Variants in MYCBP2 observed in about 807,000 individuals in gnomAD.
MYCBP2 encodes MYC binding protein 2, also known as E3 ubiquitin-protein ligase MYCBP2.
A neutral mutation model predicts 525.3 loss-of-function variants in MYCBP2; 120 were observed. That is an observed-to-expected ratio of 0.23 (90% CI 0.20 to 0.27). The LOEUF (loss-of-function observed/expected upper bound fraction) is 0.27. Ranked by LOEUF, MYCBP2 falls within the 10% of genes least tolerant of loss-of-function variation. MYCBP2 has a pLI of 1.00. For synonymous variants in MYCBP2, 1,894 were observed against 1,955.8 expected (o/e 0.97, Z 0.83); for missense variants, 4,149 against 5,657.1 (o/e 0.73, Z 8.55).
chr13:77,132,998 C>A (rs2053154125), intron 52 of MYCBP2, among the ~76,000 whole-genome samples: 1 of 152,096 alleles, frequency 6.6e-6, no homozygotes, highest in Non-Finnish European at 1.5e-5. Flanking sequence ...TGGTATTCAT[C>A]CTCATTCAAC....
intron 37 of MYCBP2, among the ~76,000 whole-genome samples, chr13:77,174,012 T>A (rs1413414383): frequency 6.6e-6 from 1 of 152,208 alleles, no homozygotes; most frequent in Non-Finnish European, 1.5e-5. Flanking sequence ...TCCTTTAAAT[T>A]TGAAATTGCA....
intron 33 of MYCBP2, 49 bp downstream of exon 33, chr13:77,181,652 A>T: frequency 6.7e-7 from 1 of 1,486,476 alleles, no homozygotes; most frequent in Non-Finnish European, 9.3e-7. Flanking sequence ...AAATAAAACC[A>T]TTTAGAGTTT....
At chr13:77,194,469 T>C (rs900449552) in intron 26 of MYCBP2, among the ~76,000 whole-genome samples, 1 of 152,240 alleles carries the variant, frequency 6.6e-6, no homozygotes, top group Admixed American at 6.5e-5. Context: ...TCCTAATTTA[T>C]ATATTCATCT....
chr13:77,092,263 C>T (rs1340939661), intron 59 of MYCBP2, among the ~76,000 whole-genome samples: 3 of 152,234 alleles, frequency 2.0e-5, no homozygotes, highest in East Asian at 3.9e-4. Context: ...CACAGTTATT[C>T]GTGACTGAAA....
intron 1 of MYCBP2, among the ~76,000 whole-genome samples, chr13:77,324,967 G>C (rs2082115845): frequency 1.3e-5 from 2 of 152,204 alleles, no homozygotes; most frequent in African/African-American, 2.4e-5. Flanking sequence ...ACGTAGTTTT[G>C]TGCTATTTTC....
chr13:77,066,037 G>C lies in MYCBP2; in HGVS notation c.12507C>G (p.Thr4169=), dbSNP rs142783857. Reference sequence around the variant, plus strand: ...GTTTAATGATGATCTCTGAGATCTGGGTAGGGGTTGAGCCCTTCATCCACC... The same window carrying C: ...GTTTAATGATGATCTCTGAGATCTGCGTAGGGGTTGAGCCCTTCATCCACC... ...SHWWMKGSTP[T]QISEIIIKLI... The change falls in exon 72 of 83, where the codon ACC becomes ACG. Residue 4169 remains threonine, a synonymous_variant. Transcript: ENST00000544440. 2.2e-5 allele frequency: 35 copies of C among 1,613,304 alleles called. No individual in the cohort carries two copies. The African/African-American group carries it at 3.9e-4, about 18-fold the overall frequency.
intron 35 of MYCBP2, 120 bp from the exon 36 acceptor site, chr13:77,176,748 A>C (rs574501698): frequency 1.2e-6 from 1 of 866,266 alleles, no homozygotes; most frequent in Non-Finnish European, 1.5e-6. Context: ...ATTAGCCATT[A>C]GTATTTTCCC....
At chr13:77,277,784 CATA>C (rs2075787341) in intron 4 of MYCBP2, among the ~76,000 whole-genome samples, 1 of 152,118 alleles carries the variant, frequency 6.6e-6, no homozygotes, top group East Asian at 1.9e-4. Context: ...TTGAGAACCA[CATA>C]ATGAGAACCA....
Position 77,166,428 on chromosome 13 carries a change from G to T in MYCBP2, c.6241C>A (p.Pro2081Thr), listed in dbSNP as rs373272431. The change falls in exon 41 of 83, where the codon CCA becomes ACA. Residue 2081 changes from proline to threonine, a missense_variant. Physicochemically the swap from Pro to Thr is conservative, Grantham distance 38. Around this residue, in one of 21 missense-constraint regions of MYCBP2, gnomAD observed 692 missense variants for 852.7 expected, o/e 0.81. Coordinates refer to ENST00000544440, the MANE Select transcript of MYCBP2 (RefSeq NM_015057.5). The stretch of plus-strand genomic sequence containing the variant: ...TTTTCATGAACAGATGTCAATTTTG[G>T]TCCATATCCTGAATTCTGAACAGTT... ...VRTVQNSGYG[P>T]KLTSVHENLN... 3 of 1,613,828 alleles carry T rather than the reference G, an allele frequency of 1.9e-6. No individual in the cohort carries two copies. The highest frequency in any genetic ancestry group is 1.7e-6 in the Non-Finnish European group (2 of 1,179,884).
chr13:77,058,858 G>T lies in MYCBP2; in HGVS notation c.13141-452C>A. Among the ~76,000 whole-genome samples, 1 of 152,032 alleles carries T rather than the reference G, an allele frequency of 6.6e-6. No homozygotes were observed. Among genetic ancestry groups the T allele is most frequent in the African/African-American group, 2.4e-5 (1 of 41,386 alleles). ...AAATTAACCAGGCATGGTGGCGCGC[G>T]CCTGTAATCCCAGCTACTTAGGAAG... On this transcript the variant is annotated intron_variant, in intron 77 of 82. Coordinates refer to ENST00000544440, the MANE Select transcript of MYCBP2 (RefSeq NM_015057.5). This position sits in a 1 kb window ranked among gnomAD's most constrained non-coding sequence, Gnocchi z 4.1.
chr13:77,275,452 A>G (rs970212379), intron 4 of MYCBP2, among the ~76,000 whole-genome samples: 1 of 152,116 alleles, frequency 6.6e-6, no homozygotes, highest in African/African-American at 2.4e-5. Context: ...TTCTGCCTAG[A>G]GCACTTATAA....
chr13:77,203,288 A>G (rs1415490695), intron 26 of MYCBP2, among the ~76,000 whole-genome samples: 1 of 152,082 alleles, frequency 6.6e-6, no homozygotes, highest in African/African-American at 2.4e-5. Context: ...GTGAACTCCC[A>G]TTCACAATTG....
intron 20 of MYCBP2, among the ~76,000 whole-genome samples, chr13:77,223,585 G>T (rs756019041): frequency 3.3e-5 from 5 of 152,104 alleles, no homozygotes; most frequent in Non-Finnish European, 5.9e-5. Flanking sequence ...TATTTCTCAC[G>T]CAAGAAGCAT....
At chr13:77,229,193 T>C (rs1205741063) in intron 18 of MYCBP2, among the ~76,000 whole-genome samples, 1 of 152,214 alleles carries the variant, frequency 6.6e-6, no homozygotes, top group Non-Finnish European at 1.5e-5. Context: ...CTTTCCTATC[T>C]ATAATATAGC....
chr13:77,189,931 T>C (rs756491288), intron 29 of MYCBP2, among the ~76,000 whole-genome samples: 1 of 152,112 alleles, frequency 6.6e-6, no homozygotes, highest in Admixed American at 6.5e-5. Flanking sequence ...CCAAGACAAA[T>C]TTTATTCTTT....
intron 3 of MYCBP2, among the ~76,000 whole-genome samples, chr13:77,285,390 T>G (rs1211063050): frequency 6.6e-6 from 1 of 152,216 alleles, no homozygotes; most frequent in African/African-American, 2.4e-5. Context: ...GTTTTTTATC[T>G]CAATCTCTCC....
Position 77,262,065 on chromosome 13 carries a change from T to C in MYCBP2, c.1635A>G (p.Thr545=). 2 of 1,610,948 alleles carry C rather than the reference T, an allele frequency of 1.2e-6. No individual in the cohort carries two copies. Among genetic ancestry groups the C allele is most frequent in the Non-Finnish European group, 1.7e-6 (2 of 1,178,064 alleles). Residue 545 remains threonine (T), a synonymous_variant, in exon 11 of 83, where the codon ACA becomes ACG. Coordinates refer to ENST00000544440, the MANE Select transcript of MYCBP2 (RefSeq NM_015057.5). ...GAGAATAATTTACCTTTCCATTTGC[T>C]GTTTTCATTAGCGCAAACTCTCGTC... ...GAGREFALMK[T]ANGKIYYTGK... is the part of the protein sequence containing the mutation.
chr13:77,063,294 A>G (rs941924542), intron 73 of MYCBP2, among the ~76,000 whole-genome samples: 1 of 152,216 alleles, frequency 6.6e-6, no homozygotes, highest in African/African-American at 2.4e-5. Context: ...ACAGTGGCAC[A>G]TGCCTGTAAT....
chr13:77,103,618 A>G (rs2047407539), intron 55 of MYCBP2, among the ~76,000 whole-genome samples: 1 of 152,064 alleles, frequency 6.6e-6, no homozygotes, highest in Non-Finnish European at 1.5e-5. Flanking sequence ...TCTTTGGCTC[A>G]GTTTTCTTTA....
Sources: gnomAD v4.1 joint callset for allele counts (sites outside exome capture counted in the v4.1 genomes callset) on GRCh38, gnomAD v4.1.1 for gene constraint, gnomAD v4.1.1 regional missense constraint, Gnocchi (gnomAD v3.1) non-coding constraint, MANE v1.5 for transcripts, NCBI Gene and HGNC (gene_info 2026-07-23, HGNC 2026-07-21) for gene names.